MAP2K5: variants seen among roughly 807,000 people sequenced by gnomAD.
The protein encoded by MAP2K5 is dual specificity mitogen-activated protein kinase kinase 5.
A neutral mutation model predicts 83.1 loss-of-function variants in MAP2K5; 49 were observed. The ratio of observed to expected loss-of-function variants is 0.59; its 90% confidence interval spans 0.47 to 0.75. The LOEUF is 0.75. MAP2K5 is among the 30% of genes least tolerant of loss of function. MAP2K5 has a pLI of 0.00. For synonymous variants in MAP2K5, 202 were observed against 191.8 expected (o/e 1.05, Z -0.44); for missense variants, 457 against 557.5 (o/e 0.82, Z 1.82).
At position 67,676,332 on chromosome 15, in the gene MAP2K5, AT is replaced by A. The variant is rs2087683389; in HGVS notation, c.847+11691del. Among the ~76,000 whole-genome samples the A allele has an allele frequency of 1.3e-5, 2 of 152,246 alleles. No homozygotes were observed. The highest frequency in any genetic ancestry group is 2.1e-4 in the South Asian group (1 of 4,822). On this transcript the variant is annotated intron_variant, in intron 13 of 21. Transcript: ENST00000178640. The surrounding 1 kb of genome is among the most constrained non-coding windows in gnomAD (Gnocchi z 4.8). ...TGTTGGATGAATACATTGAATCATA[AT>A]TTTCTGAGGGCAGTGTTTTTCTCCT...
At chr15:67,621,790 CA>C (rs932356661) in intron 8 of MAP2K5, among the ~76,000 whole-genome samples, 1 of 151,576 alleles carries the variant, frequency 6.6e-6, no homozygotes, top group Non-Finnish European at 1.5e-5. Flanking sequence ...TAGCAGTGAA[CA>C]AAAAAAACGA....
Position 67,646,295 on chromosome 15 carries a change from A to C in MAP2K5, c.650A>C (p.Tyr217Ser). 6.9e-7 allele frequency: 1 copy of C among 1,458,018 alleles called. No homozygotes were observed. Among genetic ancestry groups the C allele is most frequent in the Non-Finnish European group, 9.5e-7 (1 of 1,048,592 alleles). The allele number at this position is 1,458,018 out of a possible 1,614,324, so 90.3% of individuals were successfully genotyped here. A position where few individuals can be genotyped will look rare whatever the true frequency, so the allele number is the denominator to read the frequency against. The change falls in exon 10 of 22, where the codon TAT becomes TCT. Residue 217 changes from tyrosine (Y) to serine (S), a missense_variant. Transcript: ENST00000178640. ...KQIMSELEIL[Y>S]KCDSSYIIGF... Reference sequence around the variant, plus strand: ...ATTATGTCTGAATTGGAAATTCTTTATAAGGTAATTTTTTCATAATTTTTA... The same window carrying C: ...ATTATGTCTGAATTGGAAATTCTTTCTAAGGTAATTTTTTCATAATTTTTA...
intron 17 of MAP2K5, among the ~76,000 whole-genome samples, chr15:67,737,128 C>G (rs1301931631): frequency 6.6e-6 from 1 of 152,192 alleles, no homozygotes; most frequent in Non-Finnish European, 1.5e-5. Context: ...TTATTTTACA[C>G]ACATATCCAC....
At position 67,640,914 on chromosome 15, in the gene MAP2K5, G is replaced by A. The variant is rs975857909; in HGVS notation, c.586-5317G>A. Among the ~76,000 whole-genome samples, 1 of 152,130 alleles carries A rather than the reference G, an allele frequency of 6.6e-6. No individual in the cohort carries two copies. Among genetic ancestry groups the A allele is most frequent in the Non-Finnish European group, 1.5e-5 (1 of 68,002 alleles). ...GCCTCAAAGAGAACATTTTGAAAAT[G>A]ATGCTAATCACATTTTAAAGATAAC... On this transcript the variant is annotated intron_variant, in intron 9 of 21. Transcript: ENST00000178640. The surrounding 1 kb of genome is among the most constrained non-coding windows in gnomAD (Gnocchi z 4.6).
chr15:67,602,480 A>C (rs553857458), intron 8 of MAP2K5, among the ~76,000 whole-genome samples: 14 of 152,298 alleles, frequency 9.2e-5, no homozygotes, highest in Admixed American at 7.8e-4. Context: ...TATCTGTGTT[A>C]TTTCACCAAA....
intron 7 of MAP2K5, among the ~76,000 whole-genome samples, chr15:67,593,257 T>C (rs2085453876): frequency 6.6e-6 from 1 of 152,228 alleles, no homozygotes; most frequent in Non-Finnish European, 1.5e-5. Flanking sequence ...CGTGGGCTGT[T>C]GAAATGGCCC....
Position 67,792,497 on chromosome 15 carries a change from C to T in MAP2K5, c.1243-14149C>T, listed in dbSNP as rs955539598. Reference sequence around the variant, plus strand: ...GGTTTGTCATTGTTTATCTAATTTTCGGGGTTGACACAGAAAATTAAACCA... The same window carrying T: ...GGTTTGTCATTGTTTATCTAATTTTTGGGGTTGACACAGAAAATTAAACCA... On this transcript the variant is annotated intron_variant, in intron 21 of 21. Transcript: ENST00000178640. Among the ~76,000 whole-genome samples, 10 of 152,094 alleles carry T rather than the reference C, an allele frequency of 6.6e-5. No homozygotes were observed. In the South Asian group the frequency reaches 8.3e-4, roughly 13 times the overall value.
At position 67,621,770 on chromosome 15, in the gene MAP2K5, C is replaced by A. The variant is rs113453175; in HGVS notation, c.546-9118C>A. On this transcript the variant is annotated intron_variant, in intron 8 of 21. Coordinates refer to ENST00000178640, the MANE Select transcript of MAP2K5 (RefSeq NM_145160.3). ...AATGTGCCTGATGTAGTTTTAGGCA[C>A]TGGAAATAATAGCAGTGAACAAAAA... 4.1e-3 allele frequency among the ~76,000 whole-genome samples: 626 copies of A among 152,214 alleles called. 6 individuals are homozygous for A. The highest frequency in any genetic ancestry group is 0.014 in the African/African-American group (597 of 41,528).
At chr15:67,660,871 G>GAA (rs10684162) in intron 12 of MAP2K5, among the ~76,000 whole-genome samples, 4,993 of 145,368 alleles carry the variant, frequency 0.034, 181 homozygotes, top group African/African-American at 0.086. Context: ...AACAGAATGA[G>GAA]AAAAAAAAAA....
In MAP2K5 at chr15:67,652,118, A is replaced by G. The variant is rs556683114; in HGVS notation, c.736+5649A>G. Reference sequence around the variant, plus strand: ...ATTTGCATTTCCCTGGTGATTAGTGATGTCAAACATTTTTTCAAATGCCTT... The same window carrying G: ...ATTTGCATTTCCCTGGTGATTAGTGGTGTCAAACATTTTTTCAAATGCCTT... On this transcript the variant is annotated intron_variant, in intron 11 of 21. Transcript: ENST00000178640. This position sits in a 1 kb window ranked among gnomAD's most constrained non-coding sequence, Gnocchi z 4.2. 6.6e-6 allele frequency among the ~76,000 whole-genome samples: 1 copy of G among 152,272 alleles called. No homozygotes were observed. Among genetic ancestry groups the G allele is most frequent in the South Asian group, 2.1e-4 (1 of 4,824 alleles).
chr15:67,642,708 T>TC (rs548505338), intron 9 of MAP2K5, among the ~76,000 whole-genome samples: 7 of 151,756 alleles, frequency 4.6e-5, no homozygotes, highest in Non-Finnish European at 1.0e-4. Flanking sequence ...GTGGTGGGAG[T>TC]AGTGGGAAGA....
At chr15:67,683,625 G>A (rs546818530) in intron 13 of MAP2K5, among the ~76,000 whole-genome samples, 1 of 152,232 alleles carries the variant, frequency 6.6e-6, no homozygotes, top group South Asian at 2.1e-4. Context: ...AACTGGGCTT[G>A]TTGGTGGGCG....
At chr15:67,629,095 C>T in intron 8 of MAP2K5, 2 of 735,038 alleles carry the variant, frequency 2.7e-6, no homozygotes, top group South Asian at 2.7e-5. Flanking sequence ...CATGGCGGTT[C>T]CAGTAGCAGC....
At chr15:67,745,057 G>A (rs547535662) in intron 17 of MAP2K5, among the ~76,000 whole-genome samples, 1 of 152,164 alleles carries the variant, frequency 6.6e-6, no homozygotes, top group African/African-American at 2.4e-5. Context: ...GCCCAGAAAA[G>A]GGAAGAGGTT....
At chr15:67,734,625 T>A (rs1418223422) in intron 17 of MAP2K5, among the ~76,000 whole-genome samples, 1 of 152,228 alleles carries the variant, frequency 6.6e-6, no homozygotes, top group Non-Finnish European at 1.5e-5. Context: ...TGATGTCTTA[T>A]ATTCTATGTT....
chr15:67,697,059 A>G (rs1208142917), intron 15 of MAP2K5, among the ~76,000 whole-genome samples: 1 of 152,228 alleles, frequency 6.6e-6, no homozygotes, highest in Non-Finnish European at 1.5e-5. Flanking sequence ...GGATGCTTGC[A>G]TAAGAGAAAG....
At position 67,736,780 on chromosome 15, in the gene MAP2K5, T is replaced by C. The variant is rs897579167; in HGVS notation, c.1074+8835T>C. Among the ~76,000 whole-genome samples the C allele has an allele frequency of 1.3e-5, 2 of 152,216 alleles. No individual in the cohort carries two copies. The highest frequency in any genetic ancestry group is 2.4e-5 in the African/African-American group (1 of 41,450). ...AACTTGGTGTTCAGTCTGGCTTTCA[T>C]GTGGCAGCTTTGCTATTATCTCTCC... On this transcript the variant is annotated intron_variant, in intron 17 of 21. Transcript: ENST00000178640. This position sits in a 1 kb window ranked among gnomAD's most constrained non-coding sequence, Gnocchi z 4.3.
intron 2 of MAP2K5, among the ~76,000 whole-genome samples, chr15:67,554,627 C>T (rs2084587229): frequency 2.0e-5 from 3 of 152,290 alleles, no homozygotes. Context: ...AATCTCTCTG[C>T]ACCTTTACTA....
chr15:67,725,133 G>A (rs1001697352), intron 16 of MAP2K5, among the ~76,000 whole-genome samples: 1 of 152,190 alleles, frequency 6.6e-6, no homozygotes, highest in Admixed American at 6.5e-5. Context: ...TTCCCAAGCA[G>A]ACTGGTACAG....
Sources: allele counts gnomAD v4.1 joint callset (sites outside exome capture counted in the v4.1 genomes callset), GRCh38; gene constraint gnomAD v4.1.1; non-coding constraint Gnocchi (gnomAD v3.1); transcripts MANE v1.5; gene names NCBI Gene and HGNC (gene_info 2026-07-23, HGNC 2026-07-21).